Variants in ANXA8L1 observed in about 807,000 individuals in gnomAD.
ANXA8L1 encodes annexin A8-like protein 1.
In ANXA8L1, 10 loss-of-function variants were observed where a neutral mutation model predicts 22.5. The observed-to-expected ratio is 0.44, with a 90% CI of 0.27 to 0.75. ANXA8L1 has a LOEUF of 0.75. Among genes scored for constraint, ANXA8L1 ranks in the 30% least tolerant of loss-of-function variants. The pLI is 0.15. For missense variants in ANXA8L1, 88 were observed against 219.6 expected (o/e 0.40, Z 3.79); for synonymous variants, 36 against 86.0 (o/e 0.42, Z 3.22).
At chr10:46,379,202 C>A (rs1839967570) in intron 1 of ANXA8L1, among the ~76,000 whole-genome samples, 4 of 152,074 alleles carry the variant, frequency 2.6e-5, no homozygotes, top group Admixed American at 2.6e-4. Context: ...TTCTGCAGGG[C>A]ACAAGTTTAA....
At chr10:46,385,557 T>A in intron 8 of ANXA8L1, 84 bp downstream of exon 8, 1 of 931,650 alleles carries the variant, frequency 1.1e-6, no homozygotes, top group Non-Finnish European at 1.6e-6. Flanking sequence ...CCTTGTCAAG[T>A]CTAGAGTTAG....
chr10:46,389,786 G>A (rs1254859119), intron 11 of ANXA8L1, among the ~76,000 whole-genome samples: 5 of 151,544 alleles, frequency 3.3e-5, no homozygotes, highest in Admixed American at 6.6e-5. Context: ...GGAGGCCAAC[G>A]CAGGAGGATC....
At chr10:46,389,819 C>A (rs1554975277) in intron 11 of ANXA8L1, among the ~76,000 whole-genome samples, 1 of 151,516 alleles carries the variant, frequency 6.6e-6, no homozygotes, top group Non-Finnish European at 1.5e-5. Context: ...GAGTCCAAGG[C>A]TGCCGTGAGC....
chr10:46,390,080 T>C (rs373906316), intron 11 of ANXA8L1, among the ~76,000 whole-genome samples: 1 of 149,760 alleles, frequency 6.7e-6, no homozygotes, highest in East Asian at 1.9e-4. Flanking sequence ...CACTCCCCTC[T>C]CTTGGCCCCG....
intron 6 of ANXA8L1, 112 bp from the exon 7 acceptor site, chr10:46,384,662 A>T: frequency 6.3e-7 from 1 of 1,593,862 alleles, no homozygotes; most frequent in Non-Finnish European, 8.6e-7. Context: ...CGAAGTTTCC[A>T]CAGCCAAAGA....
At chr10:46,377,567 C>T (rs1210802762) in intron 1 of ANXA8L1, among the ~76,000 whole-genome samples, 5 of 120,152 alleles carry the variant, frequency 4.2e-5, no homozygotes, top group African/African-American at 1.7e-4. Context: ...AGAGCTGGCT[C>T]GGGGTAGCAA....
chr10:46,385,796 T>C lies in ANXA8L1; in HGVS notation c.731T>C (p.Met244Thr). 3.1e-6 allele frequency: 1 copy of C among 321,518 alleles called. No individual in the cohort carries two copies. The highest frequency in any genetic ancestry group is 5.7e-6 in the Non-Finnish European group (1 of 174,930). The allele number at this position is 321,518 out of a possible 1,614,324, so 19.9% of individuals were successfully genotyped here. A position where few individuals can be genotyped will look rare whatever the true frequency, so the allele number is the denominator to read the frequency against. ...ACCCATGGCTCACTGGAGGAGGCCA[T>C]GCTCACTGTGGGTAAGAGCTCAGAC... ...SETHGSLEEA[M>T]LTVVKCTQNL... is the part of the protein sequence containing the mutation. Residue 244 changes from methionine to threonine, a missense_variant, in exon 9 of 12, where the codon ATG (methionine) becomes ACG (threonine). Met to Thr is a moderately conservative substitution (Grantham distance 81, BLOSUM62 -1). Transcript: ENST00000619162.
Sources: gnomAD v4.1 joint callset for allele counts (sites outside exome capture counted in the v4.1 genomes callset) on GRCh38, gnomAD v4.1.1 for gene constraint, MANE v1.5 for transcripts, NCBI Gene and HGNC (gene_info 2026-07-23, HGNC 2026-07-21) for gene names.